CASZ1: variants seen among roughly 807,000 people sequenced by gnomAD.
CASZ1 encodes the protein castor zinc finger 1, also known as zinc finger protein castor homolog 1.
Under a neutral mutation model 135.2 loss-of-function variants are expected in CASZ1, and 28 were observed. The ratio of observed to expected loss-of-function variants is 0.21; its 90% CI spans 0.15 to 0.28. CASZ1 has a LOEUF of 0.28. Ranked by LOEUF, CASZ1 falls within the 10% of genes least tolerant of loss-of-function variation. The pLI is 1.00. For missense variants in CASZ1, 2,161 were observed against 2,453.3 expected, an observed-to-expected ratio of 0.88 and a Z score of 2.52; for synonymous variants, 1,068 against 1,073.4, an observed-to-expected ratio of 0.99 and a Z score of 0.10.
chr1:10,684,832 C>A (rs180754865), intron 4 of CASZ1, among the ~76,000 whole-genome samples: 282 of 152,358 alleles, frequency 1.9e-3, no homozygotes, highest in Non-Finnish European at 3.0e-3. Context: ...CCGTGGAGGC[C>A]AGACCTGAGC....
In CASZ1 at chr1:10,744,344, C is replaced by T. The variant is rs189532411; in HGVS notation, c.-77+16357G>A. On this transcript the variant is annotated intron_variant, in intron 2 of 20. Transcript: ENST00000377022. ...GGGGGGCATTAGCAGAAGAGAGACACGGCACCACGAGCAGGCATGTCCTGG... is the reference window on the plus strand; with the variant it reads ...GGGGGGCATTAGCAGAAGAGAGACATGGCACCACGAGCAGGCATGTCCTGG... 3.6e-3 allele frequency among the ~76,000 whole-genome samples: 548 copies of T among 151,526 alleles called. 7 individuals are homozygous for T. Among genetic ancestry groups the T allele is most frequent in the African/African-American group, 0.012 (504 of 41,066 alleles).
In CASZ1 at chr1:10,648,044, G is replaced by C. The variant is rs188247713; in HGVS notation, c.3254C>G (p.Ser1085Trp). ...GGTGACAGGAGGGACCGGAGGGGAC[G>C]AGGGGGCCATGGGAGGTTTGGTCTC... ...AAETKPPMAP[S>W]SPPVPPVTTA... Residue 1085 changes from serine (S) to tryptophan (W), a missense_variant, in exon 16 of 21, where the codon TCG becomes TGG. Physicochemically the swap from Ser to Trp is radical, Grantham distance 177. Around this residue, in one of 7 missense-constraint regions of CASZ1, gnomAD observed 349 missense variants for 460.8 expected, o/e 0.76. Transcript: ENST00000377022. The C allele has an allele frequency of 6.9e-6, 11 of 1,601,296 alleles. No individual in the cohort carries two copies. The highest frequency in any genetic ancestry group is 9.4e-6 in the Non-Finnish European group (11 of 1,174,056).
Position 10,647,747 on chromosome 1 carries a change from C to G in CASZ1, c.3497+54G>C. On this transcript the variant is annotated intron_variant, in intron 16 of 20. Transcript: ENST00000377022. This position sits in a 1 kb window ranked among gnomAD's most constrained non-coding sequence, Gnocchi z 4.9. ...GGCCTCCTAGCGCCCTTGCTAGCAC[C>G]TACTCCCGAGACGCGAGGGGAACGC... 6 of 1,607,680 alleles carry G rather than the reference C, an allele frequency of 3.7e-6. No homozygotes were observed. The highest frequency in any genetic ancestry group is 5.1e-6 in the Non-Finnish European group (6 of 1,179,742).
At chr1:10,686,084 C>T (rs1638577153) in intron 4 of CASZ1, among the ~76,000 whole-genome samples, 1 of 152,108 alleles carries the variant, frequency 6.6e-6, no homozygotes, top group Non-Finnish European at 1.5e-5. Flanking sequence ...GACCCCGTGG[C>T]CCCCACCTGA....
At chr1:10,712,883 C>T (rs1202262137) in intron 2 of CASZ1, among the ~76,000 whole-genome samples, 2 of 152,230 alleles carry the variant, frequency 1.3e-5, no homozygotes, top group Non-Finnish European at 2.9e-5. Context: ...CTTAGTGCAA[C>T]AAGCGCCCCT....
rs752101102 is a variant in CASZ1 at position 10,738,918 on chromosome 1, G to GTT, written c.-77+21781_-77+21782dup. 7.0e-3 allele frequency among the ~76,000 whole-genome samples: 483 copies of GTT among 69,172 alleles called. 27 individuals carry two copies. The highest frequency in any genetic ancestry group is 0.022 in the African/African-American group (379 of 16,970). 45.4% of individuals were successfully genotyped at this position (69,172 alleles called of 152,430 possible). ...AAAAACTCCATATGCATGAAGGAAG[G>GTT]TTTTTTTTTTTTTTTTTTTTTTTTT... On this transcript the variant is annotated intron_variant, in intron 2 of 20. Coordinates refer to ENST00000377022, the MANE Select transcript of CASZ1 (RefSeq NM_001079843.3).
At chr1:10,693,785 G>A (rs1570487043) in intron 4 of CASZ1, 89 bp downstream of exon 4, 3 of 520,106 alleles carry the variant, frequency 5.8e-6, no homozygotes, top group Non-Finnish European at 1.1e-5. Context: ...CGGCCCCGCC[G>A]CCACCTCATT....
At chr1:10,670,147 G>A (rs1643357294) in intron 4 of CASZ1, among the ~76,000 whole-genome samples, 1 of 152,216 alleles carries the variant, frequency 6.6e-6, no homozygotes, top group Admixed American at 6.5e-5. Context: ...CACTCTGGTA[G>A]CTGCCCTGGG....
At chr1:10,737,763 G>A (rs1639828195) in intron 2 of CASZ1, among the ~76,000 whole-genome samples, 1 of 152,166 alleles carries the variant, frequency 6.6e-6, no homozygotes, top group Non-Finnish European at 1.5e-5. Context: ...CCAGCCTGTC[G>A]CCCAAAGGAG....
chr1:10,647,388 G>A lies in CASZ1; in HGVS notation c.3497+413C>T, dbSNP rs1030464483. On this transcript the variant is annotated intron_variant, in intron 16 of 20. Coordinates refer to ENST00000377022, the MANE Select transcript of CASZ1 (RefSeq NM_001079843.3). The surrounding 1 kb of genome is among the most constrained non-coding windows in gnomAD (Gnocchi z 4.9). Reference sequence around the variant, plus strand: ...GCCTGGAGGGGCCTGGCCCCTACCCGTGACTTCACGTGCCCTGCAGAGATT... The same window carrying A: ...GCCTGGAGGGGCCTGGCCCCTACCCATGACTTCACGTGCCCTGCAGAGATT... 10 of 1,071,674 alleles carry A rather than the reference G, an allele frequency of 9.3e-6. No homozygotes were observed. The highest frequency in any genetic ancestry group is 8.7e-5 in the South Asian group (3 of 34,504). The allele number at this position is 1,071,674 out of a possible 1,614,324, so 66.4% of individuals were successfully genotyped here.
intron 4 of CASZ1, among the ~76,000 whole-genome samples, chr1:10,692,091 G>A (rs1557510766): frequency 6.6e-6 from 1 of 152,156 alleles, no homozygotes; most frequent in Non-Finnish European, 1.5e-5. Flanking sequence ...GCCACAAGAG[G>A]CTCTGCCACC....
rs539199097 is a variant in CASZ1 at position 10,663,969 on chromosome 1, C to A, written c.505+1114G>T. Among the ~76,000 whole-genome samples, 3 of 152,198 alleles carry A rather than the reference C, an allele frequency of 2.0e-5. No homozygotes were observed. The East Asian group carries it at 5.8e-4, about 29-fold the overall frequency. On this transcript the variant is annotated intron_variant, in intron 5 of 20. Transcript: ENST00000377022. Reference sequence around the variant, plus strand: ...GGACGGTGGCCCTTGTCGCGTTCCTCTCCTCTCCTCTCCTCAGGCCCAGCA... The same window carrying A: ...GGACGGTGGCCCTTGTCGCGTTCCTATCCTCTCCTCTCCTCAGGCCCAGCA...
intron 4 of CASZ1, 111 bp downstream of exon 4, chr1:10,693,763 C>T: frequency 1.2e-6 from 1 of 820,128 alleles, no homozygotes; most frequent in East Asian, 2.6e-5. Context: ...CCCGACCCTC[C>T]CGGCCCCCAC....
rs750944983 is a variant in CASZ1, at chr1:10,659,850, C to A, written c.1192G>T (p.Ala398Ser). 1 of 1,610,974 alleles carries A rather than the reference C, an allele frequency of 6.2e-7. No homozygotes were observed. The highest frequency in any genetic ancestry group is 1.1e-5 in the South Asian group (1 of 90,852). ...GCACTGGGCACGCTGGCGAGGGGTGCGGGAGCCAGGCTGGGGGTGGGCGGA... is the reference window on the plus strand; with the variant it reads ...GCACTGGGCACGCTGGCGAGGGGTGAGGGAGCCAGGCTGGGGGTGGGCGGA... ...KVPPTPSLAP[A>S]PLASVPSAPS... is the part of the protein sequence containing the mutation. Residue 398 changes from alanine to serine, a missense_variant, in exon 6 of 21, where the codon GCA (alanine) becomes TCA (serine). Transcript: ENST00000377022.
chr1:10,710,952 G>A (rs1454577662), intron 2 of CASZ1, among the ~76,000 whole-genome samples: 1 of 152,224 alleles, frequency 6.6e-6, no homozygotes, highest in Non-Finnish European at 1.5e-5. Flanking sequence ...CCAATATGGT[G>A]AAACCCTGTC....
intron 7 of CASZ1, 51 bp downstream of exon 7, chr1:10,658,457 G>C (rs1393145795): frequency 6.6e-7 from 1 of 1,508,490 alleles, no homozygotes; most frequent in African/African-American, 1.4e-5. Flanking sequence ...TGCCCGGTCA[G>C]TCCTGGCCCC....
chr1:10,745,688 G>A (rs571519411), intron 2 of CASZ1, among the ~76,000 whole-genome samples: 93 of 152,298 alleles, frequency 6.1e-4, no homozygotes, highest in Non-Finnish European at 1.1e-3. Flanking sequence ...AAGATCAGAC[G>A]ACCTGGGTTT....
chr1:10,658,469 C>G (rs1471410682), intron 7 of CASZ1, 39 bp downstream of exon 7: 2 of 1,567,180 alleles, frequency 1.3e-6, no homozygotes, highest in South Asian at 1.1e-5. Flanking sequence ...CCTGGCCCCC[C>G]ACCTTCTCTC....
rs1023718383 is a variant in CASZ1, at chr1:10,794,291, C to A, written c.-234+2273G>T. Among the ~76,000 whole-genome samples the A allele has an allele frequency of 6.6e-6, 1 of 152,112 alleles. No homozygotes were observed. The highest frequency in any genetic ancestry group is 1.5e-5 in the Non-Finnish European group (1 of 68,016). On this transcript the variant is annotated intron_variant, in intron 1 of 20. Transcript: ENST00000377022. The surrounding 1 kb of genome is among the most constrained non-coding windows in gnomAD (Gnocchi z 5.6). ...CCCCTCGTGCGCTCTCACCGCGCGC[C>A]TGTACCAGCTCGGAGACGTCCTAAA... is the stretch of plus-strand genomic sequence containing the variant.
Sources: allele counts gnomAD v4.1 joint callset (sites outside exome capture counted in the v4.1 genomes callset), GRCh38; gene constraint gnomAD v4.1.1; regional missense constraint gnomAD v4.1.1; non-coding constraint Gnocchi (gnomAD v3.1); transcripts MANE v1.5; gene names NCBI Gene and HGNC (gene_info 2026-07-23, HGNC 2026-07-21).